Variants in VDAC1 observed in about 807,000 individuals in gnomAD.
VDAC1 encodes the protein non-selective voltage-gated ion channel VDAC1.
A neutral mutation model predicts 34.7 loss-of-function variants in VDAC1; 10 were observed. That is an observed-to-expected ratio of 0.29 (90% CI 0.18 to 0.49). VDAC1 has a LOEUF of 0.49. VDAC1 is among the 20% of genes least tolerant of loss of function. The pLI is 0.99. For missense variants in VDAC1, 230 were observed against 347.9 expected (o/e 0.66, Z 2.69); for synonymous variants, 130 against 136.0 (o/e 0.96, Z 0.30).
chr5:134,036,957 A>T, the VDAC1 span, among the ~76,000 whole-genome samples: 1 of 32,394 alleles, frequency 3.1e-5, no homozygotes, highest in African/African-American at 1.4e-4. Flanking sequence ...CGTCTCAAAA[A>T]AAAAAACAAA....
chr5:133,988,471 G>A (rs552768229), intron 5 of VDAC1, among the ~76,000 whole-genome samples: 1 of 151,708 alleles, frequency 6.6e-6, no homozygotes, highest in Non-Finnish European at 1.5e-5. Flanking sequence ...CTGTAATCCC[G>A]GCTACTCGGG....
At chr5:134,023,207 C>T in the VDAC1 span, among the ~76,000 whole-genome samples, 1 of 152,044 alleles carries the variant, frequency 6.6e-6, no homozygotes, top group Admixed American at 6.6e-5. Flanking sequence ...CCATCATTCT[C>T]AGCAAACTAA....
chr5:134,078,065 C>A, the VDAC1 span, among the ~76,000 whole-genome samples: 2 of 152,174 alleles, frequency 1.3e-5, no homozygotes, highest in Admixed American at 6.5e-5. Context: ...CCAGTCTGAT[C>A]CCTTGAGGTT....
chr5:134,060,598 A>C, the VDAC1 span, among the ~76,000 whole-genome samples: 10 of 151,860 alleles, frequency 6.6e-5, no homozygotes, highest in Non-Finnish European at 1.5e-4. Flanking sequence ...ATATCAAAGA[A>C]TTTATAACTG....
chr5:134,032,659 C>T, the VDAC1 span, among the ~76,000 whole-genome samples: 21,179 of 152,036 alleles, frequency 0.14, 1,658 homozygotes, highest in East Asian at 0.32. Flanking sequence ...AATTGATTCC[C>T]AAGAGATATT....
At chr5:133,994,227 G>A (rs1456703778) in intron 1 of VDAC1, among the ~76,000 whole-genome samples, 1 of 152,118 alleles carries the variant, frequency 6.6e-6, no homozygotes, top group African/African-American at 2.4e-5. Flanking sequence ...CATTGCAGGA[G>A]GCCACAGACT....
At chr5:134,012,690 T>A in the VDAC1 span, among the ~76,000 whole-genome samples, 1 of 152,142 alleles carries the variant, frequency 6.6e-6, no homozygotes, top group Non-Finnish European at 1.5e-5. Flanking sequence ...GATTTAATCC[T>A]GTTCCTATCA....
upstream of VDAC1, among the ~76,000 whole-genome samples, chr5:134,009,764 C>A: frequency 6.6e-6 from 1 of 152,040 alleles, no homozygotes; most frequent in East Asian, 1.9e-4. Flanking sequence ...TCACTGCAAC[C>A]TCCACCTCCC....
chr5:133,992,134 G>C (rs1753125612), intron 3 of VDAC1, among the ~76,000 whole-genome samples, 172 bp downstream of exon 3: 1 of 152,130 alleles, frequency 6.6e-6, no homozygotes, highest in Non-Finnish European at 1.5e-5. Context: ...TACTCGGTAG[G>C]CTGAGGTAGG....
chr5:134,077,122 C>T, the VDAC1 span, among the ~76,000 whole-genome samples: 3 of 151,760 alleles, frequency 2.0e-5, no homozygotes, highest in African/African-American at 7.3e-5. Context: ...ATTAAAAATA[C>T]AAAAATTAGC....
chr5:134,002,918 A>AT (rs1295591992), intron 1 of VDAC1, among the ~76,000 whole-genome samples: 1 of 151,228 alleles, frequency 6.6e-6, no homozygotes, highest in Non-Finnish European at 1.5e-5. Context: ...ATGAGCCGTT[A>AT]TGGTGCCACC....
chr5:133,993,108 C>A, intron 1 of VDAC1, 90 bp from the exon 2 acceptor site: 1 of 1,317,232 alleles, frequency 7.6e-7, no homozygotes, highest in Non-Finnish European at 1.0e-6. Context: ...AATTAGCAAC[C>A]AATAAAAATC....
At chr5:134,089,746 T>C in the VDAC1 span, among the ~76,000 whole-genome samples, 1 of 152,130 alleles carries the variant, frequency 6.6e-6, no homozygotes, top group Non-Finnish European at 1.5e-5. Flanking sequence ...TCCCAGCATT[T>C]TGGGAGGCCA....
chr5:134,072,331 C>T, the VDAC1 span, among the ~76,000 whole-genome samples: 1 of 152,188 alleles, frequency 6.6e-6, no homozygotes, highest in Admixed American at 6.5e-5. Context: ...GACTCTGTCC[C>T]ACTGAAGGGG....
the VDAC1 span, among the ~76,000 whole-genome samples, chr5:134,016,314 T>C: frequency 2.0e-5 from 3 of 151,510 alleles, no homozygotes; most frequent in Admixed American, 2.0e-4. Flanking sequence ...TGATGGGGAG[T>C]GGGTGTTGTA....
the VDAC1 span, among the ~76,000 whole-genome samples, chr5:134,090,043 C>T: frequency 2.0e-5 from 3 of 151,972 alleles, no homozygotes; most frequent in East Asian, 1.9e-4. Context: ...ATGAGGTGGG[C>T]GCCAAATTGT....
At chr5:134,096,203 C>T in the VDAC1 span, among the ~76,000 whole-genome samples, 13 of 152,372 alleles carry the variant, frequency 8.5e-5, no homozygotes, top group African/African-American at 3.1e-4. Flanking sequence ...GGGGCTTCCT[C>T]CTCAGCCCTC....
At chr5:134,083,180 CTTTTTTTTTCTTTTTTT>C in the VDAC1 span, among the ~76,000 whole-genome samples, 13 of 141,180 alleles carry the variant, frequency 9.2e-5, no homozygotes, top group Middle Eastern at 7.2e-3. Flanking sequence ...TTTTCTTTTT[CTTTTTTTTTCTTTTTTT>C]TTTTTTTTTG....
the VDAC1 span, among the ~76,000 whole-genome samples, chr5:134,018,474 G>T: frequency 7.2e-4 from 110 of 152,272 alleles, no homozygotes; most frequent in African/African-American, 2.6e-3. Flanking sequence ...TCACACACCT[G>T]GGGGACAGCT....
Sources: allele counts gnomAD v4.1 joint callset (sites outside exome capture counted in the v4.1 genomes callset), GRCh38; gene constraint gnomAD v4.1.1; transcripts MANE v1.5; gene names NCBI Gene and HGNC (gene_info 2026-07-23, HGNC 2026-07-21).